Variants in SRSF1 observed in about 807,000 individuals in gnomAD.
The protein encoded by SRSF1 is serine and arginine rich splicing factor 1, also known as serine/arginine-rich splicing factor 1.
In SRSF1, 1 loss-of-function variant was observed where a neutral mutation model predicts 25.9. The ratio of observed to expected loss-of-function variants is 0.04; its 90% CI spans 0.01 to 0.18. SRSF1 has a LOEUF of 0.18. Ranked by LOEUF, SRSF1 falls within the 10% of genes least tolerant of loss-of-function variation. The pLI is 1.00. For synonymous variants in SRSF1, 132 were observed against 126.2 expected (o/e 1.05, Z -0.31); for missense variants, 65 against 350.5 (o/e 0.19, Z 6.50).
At chr17:57,989,947 A>C in the SRSF1 span, 3 of 392,290 alleles carry the variant, frequency 7.6e-6, no homozygotes, top group Non-Finnish European at 1.3e-5. Flanking sequence ...CTGACCTTGG[A>C]CAATGGAATT....
intron 1 of SRSF1, 34 bp downstream of exon 1, chr17:58,006,910 T>G (rs372801847): frequency 6.2e-7 from 1 of 1,610,894 alleles, no homozygotes; most frequent in Admixed American, 1.7e-5. Context: ...CTCGGACCTA[T>G]TTCCTCAAGG....
chr17:58,002,606 G>A lies in SRSF1; in HGVS notation c.*2800C>T, dbSNP rs2075399699. ...CAAAATAATCTTATGGTTGGAGAAG[G>A]GCTTATAAGGCAAAATTCTAAATGC... On this transcript the variant is annotated 3_prime_UTR_variant, in exon 4 of 4. Coordinates refer to ENST00000258962, the MANE Select transcript of SRSF1 (RefSeq NM_006924.5). Among the ~76,000 whole-genome samples, 1 of 152,102 alleles carries A rather than the reference G, an allele frequency of 6.6e-6. No individual in the cohort carries two copies. The highest frequency in any genetic ancestry group is 2.4e-5 in the African/African-American group (1 of 41,394).
In SRSF1 at chr17:58,001,378, G is replaced by A. The variant is rs1411383616; in HGVS notation, c.*4028C>T. ...TAAAACTTAGGAAAAATCATTTTACGGGGAATCTATTCATATTCCAAACAG... is the reference window on the plus strand; with the variant it reads ...TAAAACTTAGGAAAAATCATTTTACAGGGAATCTATTCATATTCCAAACAG... On this transcript the variant is annotated 3_prime_UTR_variant, in exon 4 of 4. Coordinates refer to ENST00000258962, the MANE Select transcript of SRSF1 (RefSeq NM_006924.5). 4.6e-5 allele frequency among the ~76,000 whole-genome samples: 7 copies of A among 152,010 alleles called. No individual in the cohort carries two copies. The highest frequency in any genetic ancestry group is 2.1e-4 in the South Asian group (1 of 4,826).
Position 58,001,201 on chromosome 17 carries a change from T to A in SRSF1, c.*4205A>T, listed in dbSNP as rs2075387306. 6.6e-6 allele frequency among the ~76,000 whole-genome samples: 1 copy of A among 152,144 alleles called. No individual in the cohort carries two copies. Among genetic ancestry groups the A allele is most frequent in the Admixed American group, 6.5e-5 (1 of 15,270 alleles). On this transcript the variant is annotated 3_prime_UTR_variant, in exon 4 of 4. Coordinates refer to ENST00000258962, the MANE Select transcript of SRSF1 (RefSeq NM_006924.5). ...AAAAGGCACACATAAGAAATCCACC[T>A]TGACCACAGAAATGTGAAAACACCA...
intron 2 of SRSF1, 151 bp from the exon 3 acceptor site, chr17:58,006,124 C>A: frequency 1.0e-6 from 1 of 976,118 alleles, no homozygotes; most frequent in South Asian, 1.7e-5. Flanking sequence ...TTCTGGAATC[C>A]AGAGTCCAAA....
chr17:57,998,051 A>T (rs1443730151), downstream of SRSF1, among the ~76,000 whole-genome samples: 1 of 152,164 alleles, frequency 6.6e-6, no homozygotes, highest in Non-Finnish European at 1.5e-5. Flanking sequence ...CCCTGTCTCT[A>T]TGAAAAATAC....
rs370076711 is a variant in SRSF1, at chr17:58,006,479, C to T, written c.243G>A (p.Gly81=). The T allele has an allele frequency of 1.2e-5, 19 of 1,613,464 alleles. No homozygotes were observed. In the African/African-American group the frequency reaches 2.0e-4, roughly 17 times the overall value. Residue 81 remains glycine (G), a synonymous_variant, in exon 2 of 4, where the codon GGG becomes GGA. Transcript: ENST00000258962. ...GAGGAAACTCCACCCGCAGACGGTA[C>T]CCATCGTAATCATAGCCGTCGCGAC... is the stretch of plus-strand genomic sequence containing the variant. ...VYGRDGYDYD[G]YRLRVEFPRS...
the SRSF1 span, chr17:57,991,397 C>T: frequency 3.3e-5 from 5 of 152,320 alleles, no homozygotes; most frequent in African/African-American, 1.2e-4. Context: ...AAGACTGCTC[C>T]ACAAACTAAA....
At chr17:58,000,362 A>G (rs1211871342), downstream of SRSF1, among the ~76,000 whole-genome samples, 2 of 152,206 alleles carry the variant, frequency 1.3e-5, no homozygotes, top group Non-Finnish European at 2.9e-5. Context: ...GACAATCACG[A>G]TAGACATAAT....
Position 58,005,755 on chromosome 17 carries a change from A to G in SRSF1, c.552+46T>C, listed in dbSNP as rs752274758. ...ACCTTGAAATTCCACTGTTAAGACC[A>G]CTGTATCCAATTCTGGTCAAAGAAA... On this transcript the variant is annotated intron_variant, in intron 3 of 3. Coordinates refer to ENST00000258962, the MANE Select transcript of SRSF1 (RefSeq NM_006924.5). The surrounding 1 kb of genome is among the most constrained non-coding windows in gnomAD (Gnocchi z 5.2). The G allele has an allele frequency of 3.7e-6, 6 of 1,614,020 alleles. No individual in the cohort carries two copies. Among genetic ancestry groups the G allele is most frequent in the Non-Finnish European group, 5.1e-6 (6 of 1,180,022 alleles).
chr17:58,004,664 T>C lies in SRSF1; in HGVS notation c.*742A>G, dbSNP rs1263899697. On this transcript the variant is annotated 3_prime_UTR_variant, in exon 4 of 4. Transcript: ENST00000258962. Reference sequence around the variant, plus strand: ...GTTGTAACTAAGCACTGTGACAAATTAGCCAGTTCTTCCCACATTAGTCCC... The same window carrying C: ...GTTGTAACTAAGCACTGTGACAAATCAGCCAGTTCTTCCCACATTAGTCCC... 3.8e-6 allele frequency: 1 copy of C among 262,928 alleles called. No homozygotes were observed. The highest frequency in any genetic ancestry group is 6.6e-5 in the East Asian group (1 of 15,082). The allele number at this position is 262,928 out of a possible 1,614,324, so 16.3% of individuals were successfully genotyped here.
downstream of SRSF1, among the ~76,000 whole-genome samples, chr17:58,000,092 T>C (rs1373206742): frequency 6.6e-6 from 1 of 151,942 alleles, no homozygotes. Flanking sequence ...TTAACTTCTA[T>C]ATGACAGAGT....
the SRSF1 span, chr17:57,992,138 AGCATTTG>A: frequency 3.9e-5 from 6 of 152,270 alleles, no homozygotes; most frequent in African/African-American, 1.2e-4. Flanking sequence ...CATCCATTAA[AGCATTTG>A]CATAGAGAAA....
chr17:57,999,096 T>C (rs904557342), downstream of SRSF1, among the ~76,000 whole-genome samples: 3 of 152,212 alleles, frequency 2.0e-5, no homozygotes, highest in Admixed American at 1.3e-4. Flanking sequence ...ACTGACTTTT[T>C]GATCACAAGA....
At chr17:57,995,563 A>C in the SRSF1 span, among the ~76,000 whole-genome samples, 2 of 152,238 alleles carry the variant, frequency 1.3e-5, no homozygotes, top group African/African-American at 2.4e-5. Context: ...ACTCTAGAAC[A>C]ACCCTCAGCA....
At chr17:58,006,647 A>G (rs1455000186) in intron 1 of SRSF1, 120 bp from the exon 2 acceptor site, 6 of 1,205,184 alleles carry the variant, frequency 5.0e-6, no homozygotes, top group Admixed American at 5.5e-5. Flanking sequence ...CATGCGCCGC[A>G]TAATAGGAAT....
Position 58,001,425 on chromosome 17 carries a change from T to C in SRSF1, c.*3981A>G, listed in dbSNP as rs747127822. Reference sequence around the variant, plus strand: ...ACAGCATTTTAAAAAACATTAAACTTAGCTTAGTTTTAAAAACAAAATTCA... The same window carrying C: ...ACAGCATTTTAAAAAACATTAAACTCAGCTTAGTTTTAAAAACAAAATTCA... On this transcript the variant is annotated 3_prime_UTR_variant, in exon 4 of 4. Transcript: ENST00000258962. Among the ~76,000 whole-genome samples, 2 of 152,162 alleles carry C rather than the reference T, an allele frequency of 1.3e-5. No homozygotes were observed. The highest frequency in any genetic ancestry group is 2.4e-5 in the African/African-American group (1 of 41,448).
downstream of SRSF1, among the ~76,000 whole-genome samples, chr17:57,997,985 C>T (rs923552749): frequency 2.0e-5 from 3 of 152,094 alleles, no homozygotes; most frequent in African/African-American, 4.8e-5. Context: ...GAGGCCGAGG[C>T]GGGCGGATCA....
chr17:58,000,444 A>G (rs1417752972), downstream of SRSF1, among the ~76,000 whole-genome samples: 2 of 152,192 alleles, frequency 1.3e-5, no homozygotes, highest in Non-Finnish European at 2.9e-5. Context: ...TAATTGGTCA[A>G]TGTTCCTTTA....
Sources: gnomAD v4.1 joint callset for allele counts (sites outside exome capture counted in the v4.1 genomes callset) on GRCh38, gnomAD v4.1.1 for gene constraint, Gnocchi (gnomAD v3.1) non-coding constraint, MANE v1.5 for transcripts, NCBI Gene and HGNC (gene_info 2026-07-23, HGNC 2026-07-21) for gene names.